PPP1R42: variants seen among roughly 807,000 people sequenced by gnomAD.
PPP1R42 encodes leucine rich repeat containing 67.
PPP1R42 carries 34 observed loss-of-function variants against 31.0 expected under a neutral mutation model. The ratio of observed to expected loss-of-function variants is 1.10; its 90% confidence interval spans 0.83 to 1.46. The LOEUF (loss-of-function observed/expected upper bound fraction) is 1.46. PPP1R42 is among the 40% of genes most tolerant of loss of function. PPP1R42 has a pLI of 0.00. For synonymous variants in PPP1R42, 103 were observed against 109.8 expected, an observed-to-expected ratio of 0.94 and a Z score of 0.39; for missense variants, 268 against 303.0, an observed-to-expected ratio of 0.88 and a Z score of 0.86.
chr8:66,975,627 CAG>C (rs1386387450), intron 7 of PPP1R42, among the ~76,000 whole-genome samples: 1 of 152,000 alleles, frequency 6.6e-6, no homozygotes, highest in Admixed American at 6.6e-5. Context: ...GCCTGGGTGA[CAG>C]AGTGATACTC....
chr8:66,983,426 G>A (rs1814907982), intron 6 of PPP1R42, among the ~76,000 whole-genome samples: 1 of 151,924 alleles, frequency 6.6e-6, no homozygotes, highest in Non-Finnish European at 1.5e-5. Context: ...CATGAACACA[G>A]ATGATCTTCA....
intron 2 of PPP1R42, among the ~76,000 whole-genome samples, chr8:67,015,711 A>T (rs1178322940): frequency 6.6e-6 from 1 of 151,588 alleles, no homozygotes; most frequent in Non-Finnish European, 1.5e-5. Flanking sequence ...GGCATGCGCC[A>T]CCATGCCCAG....
intron 7 of PPP1R42, among the ~76,000 whole-genome samples, chr8:66,970,686 G>A (rs954807358): frequency 6.6e-6 from 1 of 152,188 alleles, no homozygotes; most frequent in African/African-American, 2.4e-5. Context: ...TGATCATTGA[G>A]ACATCTTTAC....
At chr8:66,968,426 C>T (rs1563411478) in intron 7 of PPP1R42, 5 of 977,772 alleles carry the variant, frequency 5.1e-6, no homozygotes, top group Non-Finnish European at 6.1e-6. Context: ...GGAAGATGCA[C>T]CGTAAGCTTA....
intron 7 of PPP1R42, 128 bp downstream of exon 7, chr8:66,981,919 TAA>T: frequency 1.0e-6 from 1 of 1,002,496 alleles, no homozygotes. Context: ...AAATAAGTTT[TAA>T]AAAACCCCAT....
chr8:66,965,606 G>T (rs1814358159), intron 7 of PPP1R42, among the ~76,000 whole-genome samples: 1 of 151,704 alleles, frequency 6.6e-6, no homozygotes, highest in Non-Finnish European at 1.5e-5. Flanking sequence ...GTACCACCAC[G>T]CCCAGCTTAA....
chr8:67,025,919 C>T (rs1167765852), intron 1 of PPP1R42, among the ~76,000 whole-genome samples: 1 of 150,770 alleles, frequency 6.6e-6, no homozygotes, highest in Non-Finnish European at 1.5e-5. Flanking sequence ...GCAGAGGAAT[C>T]GCTTGAACCT....
intron 2 of PPP1R42, 125 bp downstream of exon 2, chr8:67,017,494 T>C: frequency 2.0e-6 from 1 of 491,752 alleles, no homozygotes. Context: ...AGAGACTCTA[T>C]CTCAAAAAAA....
At chr8:66,989,062 G>A (rs1169759857) in intron 5 of PPP1R42, among the ~76,000 whole-genome samples, 2 of 152,098 alleles carry the variant, frequency 1.3e-5, no homozygotes, top group East Asian at 3.8e-4. Flanking sequence ...TTAATATGCT[G>A]TTATGTATCC....
chr8:66,971,084 G>GCTTA (rs1814527214), intron 7 of PPP1R42: 1 of 1,533,580 alleles, frequency 6.5e-7, no homozygotes. Flanking sequence ...GCTAATTTTG[G>GCTTA]CTTACCCACC....
chr8:66,967,049 TCA>T (rs1393377709), intron 7 of PPP1R42, among the ~76,000 whole-genome samples: 1 of 152,176 alleles, frequency 6.6e-6, no homozygotes, highest in Non-Finnish European at 1.5e-5. Context: ...CAATCGCGGC[TCA>T]CTGCAGCCTT....
At chr8:66,997,531 A>C (rs1815366841) in intron 5 of PPP1R42, among the ~76,000 whole-genome samples, 2 of 147,010 alleles carry the variant, frequency 1.4e-5, no homozygotes, top group Admixed American at 6.8e-5. Context: ...GATGTGAGCC[A>C]CTGTGCCTGG....
At chr8:66,974,043 A>G (rs1213156097) in intron 7 of PPP1R42, among the ~76,000 whole-genome samples, 1 of 152,220 alleles carries the variant, frequency 6.6e-6, no homozygotes, top group Non-Finnish European at 1.5e-5. Flanking sequence ...TGCTGCAATG[A>G]ACATAGGAGT....
At chr8:67,010,606 A>G in intron 5 of PPP1R42, 109 bp downstream of exon 5, 1 of 742,568 alleles carries the variant, frequency 1.3e-6, no homozygotes, top group South Asian at 1.7e-5. Context: ...TTTTAGAACA[A>G]ATCCAGAGTA....
At chr8:67,020,194 T>C (rs894652593) in intron 1 of PPP1R42, among the ~76,000 whole-genome samples, 4 of 150,518 alleles carry the variant, frequency 2.7e-5, no homozygotes, top group African/African-American at 7.5e-5. Flanking sequence ...TGTTTTGTTT[T>C]TGTTGTTGTT....
Position 67,014,570 on chromosome 8 carries a change from T to C in PPP1R42, c.152A>G (p.Asn51Ser). 1 of 1,532,186 alleles carries C rather than the reference T, an allele frequency of 6.5e-7. No individual in the cohort carries two copies. The highest frequency in any genetic ancestry group is 8.8e-7 in the Non-Finnish European group (1 of 1,130,144). 94.9% of individuals were successfully genotyped at this position (1,532,186 alleles called of 1,614,324 possible). A position where few individuals can be genotyped will look rare whatever the true frequency, so the allele number is the denominator to read the frequency against. Reference protein sequence around the residue: ...DAIEDLSLCKNLSVLYLYDNC... With the variant: ...DAIEDLSLCKSLSVLYLYDNC... ...ATCATATAAATATAAAACACTAAGA[T>C]TTTTGCAAAGAGAGAGGTCTTCCTA... Residue 51 changes from asparagine to serine, a missense_variant, in exon 3 of 8, where the codon AAT (asparagine) becomes AGT (serine). Physicochemically the swap from Asn to Ser is conservative, Grantham distance 46. Coordinates refer to ENST00000685739, the MANE Select transcript of PPP1R42 (RefSeq NM_001364910.1).
chr8:66,988,548 A>G (rs1282041990), intron 5 of PPP1R42, 31 bp from the exon 6 acceptor site: 2 of 1,570,862 alleles, frequency 1.3e-6, no homozygotes, highest in Non-Finnish European at 1.7e-6. Context: ...GCAAAGCACA[A>G]GCATTTCATA....
intron 5 of PPP1R42, among the ~76,000 whole-genome samples, chr8:67,008,736 A>G (rs1815759756): frequency 6.6e-6 from 1 of 151,346 alleles, no homozygotes; most frequent in Non-Finnish European, 1.5e-5. Context: ...GAGGATTTAG[A>G]TGTTGGTCAT....
chr8:67,018,240 C>T (rs532554862), intron 1 of PPP1R42, among the ~76,000 whole-genome samples: 1 of 150,368 alleles, frequency 6.7e-6, no homozygotes, highest in Admixed American at 6.7e-5. Flanking sequence ...CACAAGCCTC[C>T]CGAGTAGCTG....
Sources: allele counts gnomAD v4.1 joint callset (sites outside exome capture counted in the v4.1 genomes callset), GRCh38; gene constraint gnomAD v4.1.1; transcripts MANE v1.5; gene names NCBI Gene and HGNC (gene_info 2026-07-23, HGNC 2026-07-21).